Variants in RTN4RL2 observed in about 807,000 individuals in gnomAD.
RTN4RL2 encodes reticulon-4 receptor-like 2.
RTN4RL2 carries 9 observed loss-of-function variants against 27.8 expected under a neutral mutation model. That is an observed-to-expected ratio of 0.32 (90% CI 0.20 to 0.57). The LOEUF is 0.57. Ranked by LOEUF, RTN4RL2 falls within the 20% of genes least tolerant of loss-of-function variation. The pLI is 0.90. For missense variants in RTN4RL2, 436 were observed against 596.8 expected, an observed-to-expected ratio of 0.73 and a Z score of 2.81; for synonymous variants, 285 against 297.9, an observed-to-expected ratio of 0.96 and a Z score of 0.45.
In RTN4RL2 at chr11:57,467,967, G is replaced by A; in HGVS notation, c.390G>A (p.Leu130=). 2 of 1,610,886 alleles carry A rather than the reference G, an allele frequency of 1.2e-6. No individual in the cohort carries two copies. Among genetic ancestry groups the A allele is most frequent in the African/African-American group, 1.3e-5 (1 of 75,060 alleles). The change falls in exon 2 of 3, where the codon CTG becomes CTA. Residue 130 remains leucine, a synonymous_variant. Coordinates refer to ENST00000335099, the MANE Select transcript of RTN4RL2 (RefSeq NM_178570.3). This position sits in a 1 kb window ranked among gnomAD's most constrained non-coding sequence, Gnocchi z 5.5. ...TGGAGCCCGACACCTTCCAGGGCCT[G>A]GAGCGGCTGCAGTCGCTGCATTTGT... ...RSLEPDTFQG[L]ERLQSLHLYR...
At chr11:57,471,520 G>A (rs1343738923) in intron 2 of RTN4RL2, among the ~76,000 whole-genome samples, 1 of 152,246 alleles carries the variant, frequency 6.6e-6, no homozygotes, top group Non-Finnish European at 1.5e-5. Context: ...CCTGTGAACT[G>A]CCTGGTAGGG....
intron 1 of RTN4RL2, among the ~76,000 whole-genome samples, chr11:57,466,813 G>C (rs1294402204): frequency 2.0e-5 from 3 of 152,190 alleles, no homozygotes; most frequent in Non-Finnish European, 4.4e-5. Flanking sequence ...GGGACATTTG[G>C]CAATGTCTGG....
intron 2 of RTN4RL2, among the ~76,000 whole-genome samples, chr11:57,474,396 G>A (rs1943583825): frequency 6.6e-6 from 1 of 152,134 alleles, no homozygotes; most frequent in South Asian, 2.1e-4. Flanking sequence ...GGGAGTCAAT[G>A]CCCTCCCCCA....
chr11:57,462,707 A>G (rs1045361584), intron 1 of RTN4RL2, among the ~76,000 whole-genome samples: 3 of 152,254 alleles, frequency 2.0e-5, no homozygotes, highest in Admixed American at 6.5e-5. Context: ...GTGGTCCCTC[A>G]GTGAACAGAT....
rs1442784843 is a variant in RTN4RL2 at position 57,460,814 on chromosome 11, C to A, written c.-52C>A. On this transcript the variant is annotated 5_prime_UTR_variant, in exon 1 of 3. Coordinates refer to ENST00000335099, the MANE Select transcript of RTN4RL2 (RefSeq NM_178570.3). Reference sequence around the variant, plus strand: ...CCGTGCATCCGGCGGGCTCAGGGAGCGAGTGGGAGCGCCCTCCCCCCGCTG... The same window carrying A: ...CCGTGCATCCGGCGGGCTCAGGGAGAGAGTGGGAGCGCCCTCCCCCCGCTG... The A allele has an allele frequency of 3.4e-6, 4 of 1,179,332 alleles. No homozygotes were observed. The highest frequency in any genetic ancestry group is 1.6e-5 in the African/African-American group (1 of 62,262). The allele number at this position is 1,179,332 out of a possible 1,614,324, so 73.1% of individuals were successfully genotyped here. A position where few individuals can be genotyped will look rare whatever the true frequency, so the allele number is the denominator to read the frequency against.
rs770884746 is a variant in RTN4RL2, at chr11:57,467,605, A to C, written c.32-4A>C. On this transcript the variant is annotated splice_region_variant and splice_polypyrimidine_tract_variant and intron_variant, in intron 1 of 2. Transcript: ENST00000335099. This position sits in a 1 kb window ranked among gnomAD's most constrained non-coding sequence, Gnocchi z 5.5. The stretch of plus-strand genomic sequence containing the variant: ...CTAGTAAGTTCTGCTTCCCCTCCCC[A>C]CAGCTCCCGCCTCGGCCTGCCTCCT... 1.9e-6 allele frequency: 3 copies of C among 1,598,300 alleles called. No individual in the cohort carries two copies. Among genetic ancestry groups the C allele is most frequent in the South Asian group, 2.2e-5 (2 of 89,230 alleles).
At chr11:57,468,329 CCTCT>C (rs1943541312) in intron 2 of RTN4RL2, among the ~76,000 whole-genome samples, 1 of 151,894 alleles carries the variant, frequency 6.6e-6, no homozygotes, top group Non-Finnish European at 1.5e-5. Context: ...TCTCTCTCTC[CCTCT>C]AACTCCACAA....
chr11:57,471,961 C>A (rs573512003), intron 2 of RTN4RL2, among the ~76,000 whole-genome samples: 5 of 151,868 alleles, frequency 3.3e-5, no homozygotes, highest in Non-Finnish European at 1.5e-5. Context: ...CAGGTTCAAG[C>A]GATTCTCCTG....
chr11:57,461,330 G>T lies in RTN4RL2; in HGVS notation c.31+434G>T, dbSNP rs531569036. ...GGGGCTGTCTGGGGAGGTAGGAGGC[G>T]CAGAGGGAAATCCAAGTGGCCCTCT... is the stretch of plus-strand genomic sequence containing the variant. On this transcript the variant is annotated intron_variant, in intron 1 of 2. Coordinates refer to ENST00000335099, the MANE Select transcript of RTN4RL2 (RefSeq NM_178570.3). 5.3e-5 allele frequency among the ~76,000 whole-genome samples: 8 copies of T among 152,134 alleles called. No individual in the cohort carries two copies. In the East Asian group the frequency reaches 1.6e-3, roughly 30 times the overall value.
At chr11:57,474,364 G>T (rs1003337383) in intron 2 of RTN4RL2, among the ~76,000 whole-genome samples, 3 of 152,214 alleles carry the variant, frequency 2.0e-5, no homozygotes, top group African/African-American at 7.2e-5. Context: ...GCACAGGAAG[G>T]TGGAGGCTGT....
At chr11:57,465,363 G>A (rs1474451873) in intron 1 of RTN4RL2, among the ~76,000 whole-genome samples, 1 of 152,186 alleles carries the variant, frequency 6.6e-6, no homozygotes, top group African/African-American at 2.4e-5. Flanking sequence ...CACTAAGCAA[G>A]TGCAATTTGC....
chr11:57,468,557 C>A (rs1051808928), intron 2 of RTN4RL2: 4 of 1,536,612 alleles, frequency 2.6e-6, no homozygotes, highest in Admixed American at 2.0e-5. Flanking sequence ...TCTGCCTTCC[C>A]CCAGGGTCCC....
In RTN4RL2 at chr11:57,476,428, T is replaced by C. The variant is rs1192674005; in HGVS notation, c.780T>C (p.Ala260=). 2.5e-6 allele frequency: 4 copies of C among 1,594,550 alleles called. No homozygotes were observed. Among genetic ancestry groups the C allele is most frequent in the Admixed American group, 1.7e-5 (1 of 59,108 alleles). The change falls in exon 3 of 3, where the codon GCT becomes GCC. Residue 260 remains alanine (A), a synonymous_variant. Coordinates refer to ENST00000335099, the MANE Select transcript of RTN4RL2 (RefSeq NM_178570.3). The surrounding 1 kb of genome is among the most constrained non-coding windows in gnomAD (Gnocchi z 8.2). ...CGCTCGAGTTCCTGCGGCTCAACGC[T>C]AACCCCTGGGCGTGCGACTGCCGCG... is the stretch of plus-strand genomic sequence containing the variant. ...LPSLEFLRLN[A]NPWACDCRAR... is the part of the protein sequence containing the mutation.
Position 57,467,865 on chromosome 11 carries a change from C to T in RTN4RL2, c.288C>T (p.Thr96=). The T allele has an allele frequency of 6.2e-7, 1 of 1,614,158 alleles. No homozygotes were observed. The highest frequency in any genetic ancestry group is 2.2e-5 in the East Asian group (1 of 44,882). Reference sequence around the variant, plus strand: ...GGCTCTTCTCCAACAACCTCTCCACCATCTACCCGGGCACTTTCCGCCACT... The same window carrying T: ...GGCTCTTCTCCAACAACCTCTCCACTATCTACCCGGGCACTTTCCGCCACT... ...TLWLFSNNLS[T]IYPGTFRHLQ... The change falls in exon 2 of 3, where the codon ACC becomes ACT. Residue 96 remains threonine (T), a synonymous_variant. Transcript: ENST00000335099. This position sits in a 1 kb window ranked among gnomAD's most constrained non-coding sequence, Gnocchi z 5.5.
chr11:57,468,496 G>A (rs1345896449), intron 2 of RTN4RL2: 32 of 1,402,660 alleles, frequency 2.3e-5, no homozygotes, highest in Middle Eastern at 1.7e-4. Context: ...GTCTGTCTGC[G>A]TGTGTGTATC....
intron 1 of RTN4RL2, among the ~76,000 whole-genome samples, chr11:57,463,372 G>C (rs1943497467): frequency 6.6e-6 from 1 of 152,198 alleles, no homozygotes; most frequent in Non-Finnish European, 1.5e-5. Context: ...TTTAGAGGAG[G>C]GGGTGAGCAG....
At chr11:57,471,799 C>G (rs1388059698) in intron 2 of RTN4RL2, among the ~76,000 whole-genome samples, 1 of 152,204 alleles carries the variant, frequency 6.6e-6, no homozygotes, top group East Asian at 1.9e-4. Flanking sequence ...AAACAGTGGC[C>G]CTGTTCTCCC....
In RTN4RL2 at chr11:57,476,612, G is replaced by T; in HGVS notation, c.964G>T (p.Ala322Ser). ...PAAPTRPGSR[A>S]RGNSSSNHLY... Reference sequence around the variant, plus strand: ...GGCACCCACGCGGCCGGGCAGCCGCGCCCGCGGCAACAGCTCCTCCAACCA... The same window carrying T: ...GGCACCCACGCGGCCGGGCAGCCGCTCCCGCGGCAACAGCTCCTCCAACCA... Residue 322 changes from alanine to serine, a missense_variant, in exon 3 of 3, where the codon GCC (alanine) becomes TCC (serine). Transcript: ENST00000335099. The surrounding 1 kb of genome is among the most constrained non-coding windows in gnomAD (Gnocchi z 8.2). 1 of 1,406,526 alleles carries T rather than the reference G, an allele frequency of 7.1e-7. No individual in the cohort carries two copies. Among genetic ancestry groups the T allele is most frequent in the East Asian group, 2.9e-5 (1 of 34,450 alleles). 87.1% of individuals were successfully genotyped at this position (1,406,526 alleles called of 1,614,324 possible).
intron 2 of RTN4RL2, chr11:57,468,863 T>C (rs1943544402): frequency 1.1e-6 from 1 of 910,614 alleles, no homozygotes; most frequent in Non-Finnish European, 1.7e-6. Context: ...TCATTGTTAT[T>C]ATTATTGATC....
Sources: allele counts gnomAD v4.1 joint callset (sites outside exome capture counted in the v4.1 genomes callset), GRCh38; gene constraint gnomAD v4.1.1; non-coding constraint Gnocchi (gnomAD v3.1); transcripts MANE v1.5; gene names NCBI Gene and HGNC (gene_info 2026-07-23, HGNC 2026-07-21).